Variants in KCNJ6 observed in about 807,000 individuals in gnomAD.
The protein encoded by KCNJ6 is potassium inwardly rectifying channel subfamily J member 6.
In KCNJ6, 9 loss-of-function variants were observed where a neutral mutation model predicts 34.2. The ratio of observed to expected loss-of-function variants is 0.26; its 90% confidence interval spans 0.16 to 0.46. KCNJ6 has a LOEUF of 0.46. KCNJ6 is among the 20% of genes least tolerant of loss of function. The pLI, the probability that KCNJ6 is intolerant of heterozygous loss-of-function variation, is 1.00. For missense variants in KCNJ6, 236 were observed against 531.3 expected (o/e 0.44, Z 5.46); for synonymous variants, 196 against 207.1 (o/e 0.95, Z 0.46).
At chr21:37,913,426 T>C (rs2055876518) in intron 1 of KCNJ6, among the ~76,000 whole-genome samples, 1 of 152,214 alleles carries the variant, frequency 6.6e-6, no homozygotes, top group Non-Finnish European at 1.5e-5. Flanking sequence ...ACAAACTCTC[T>C]CTCCTTTTCG....
chr21:37,718,473 G>A (rs753980400), intron 2 of KCNJ6, among the ~76,000 whole-genome samples: 1 of 152,188 alleles, frequency 6.6e-6, no homozygotes, highest in Non-Finnish European at 1.5e-5. Flanking sequence ...TCTGGGTTTA[G>A]TGTTTGTAAT....
intron 2 of KCNJ6, among the ~76,000 whole-genome samples, chr21:37,725,093 T>C (rs1343704967): frequency 1.3e-5 from 2 of 151,928 alleles, no homozygotes; most frequent in Non-Finnish European, 2.9e-5. Context: ...TATTCCCAGT[T>C]TACAAAAGCA....
chr21:37,660,636 G>A (rs2054483894), intron 3 of KCNJ6, among the ~76,000 whole-genome samples: 1 of 152,180 alleles, frequency 6.6e-6, no homozygotes, highest in African/African-American at 2.4e-5. Flanking sequence ...CACCTCACTG[G>A]CGTACCTGTG....
chr21:37,914,008 G>GGCGCGT (rs760597650), intron 1 of KCNJ6, among the ~76,000 whole-genome samples: 1 of 135,480 alleles, frequency 7.4e-6, no homozygotes, highest in Admixed American at 7.5e-5. Context: ...GGCGGATCGG[G>GGCGCGT]GTGTGTGTGT....
At chr21:37,721,906 G>A (rs1601437984) in intron 2 of KCNJ6, among the ~76,000 whole-genome samples, 1 of 152,152 alleles carries the variant, frequency 6.6e-6, no homozygotes, top group African/African-American at 2.4e-5. Context: ...AGACTGGGAT[G>A]GTGGGGCATC....
At chr21:37,879,014 C>T (rs1355203897) in intron 1 of KCNJ6, among the ~76,000 whole-genome samples, 1 of 152,170 alleles carries the variant, frequency 6.6e-6, no homozygotes, top group Non-Finnish European at 1.5e-5. Flanking sequence ...CTGCATATGG[C>T]TCTTCAGGGA....
At chr21:37,697,146 A>G (rs2054667155) in intron 3 of KCNJ6, among the ~76,000 whole-genome samples, 1 of 152,172 alleles carries the variant, frequency 6.6e-6, no homozygotes, top group African/African-American at 2.4e-5. Context: ...AGACCATAAG[A>G]CGATTGTTTG....
chr21:37,870,163 T>A (rs1041484786), intron 1 of KCNJ6, among the ~76,000 whole-genome samples: 8 of 152,206 alleles, frequency 5.3e-5, no homozygotes, highest in Non-Finnish European at 8.8e-5. Flanking sequence ...GATGCTCATG[T>A]ATGTTGCAAT....
At position 37,623,671 on chromosome 21, in the gene KCNJ6, G is replaced by A. The variant is rs1260441428; in HGVS notation, c.*1488C>T. On this transcript the variant is annotated 3_prime_UTR_variant, in exon 4 of 4. Coordinates refer to ENST00000609713, the MANE Select transcript of KCNJ6 (RefSeq NM_002240.5). ...CTTTTTGCAGATTAAAGTGAATTAAGGCTGGAATTTTTTTATTTGTTTTCT... is the reference window on the plus strand; with the variant it reads ...CTTTTTGCAGATTAAAGTGAATTAAAGCTGGAATTTTTTTATTTGTTTTCT... 2.6e-5 allele frequency: 4 copies of A among 151,954 alleles called. No homozygotes were observed. Among genetic ancestry groups the A allele is most frequent in the Non-Finnish European group, 5.9e-5 (4 of 68,020 alleles). The allele number at this position is 151,954 out of a possible 1,614,324, so 9.4% of individuals were successfully genotyped here.
chr21:37,629,118 A>C (rs1215039135), intron 3 of KCNJ6, among the ~76,000 whole-genome samples: 9 of 152,240 alleles, frequency 5.9e-5, no homozygotes, highest in Admixed American at 5.9e-4. Flanking sequence ...GTATGGCCAT[A>C]GACTAGACCG....
intron 3 of KCNJ6, among the ~76,000 whole-genome samples, chr21:37,658,795 C>G (rs2054475645): frequency 6.6e-6 from 1 of 152,214 alleles, no homozygotes; most frequent in Admixed American, 6.5e-5. Flanking sequence ...TCCTTTGCCC[C>G]AGGCCATTCA....
intron 1 of KCNJ6, among the ~76,000 whole-genome samples, chr21:37,896,877 G>T (rs1192833453): frequency 6.6e-6 from 1 of 152,170 alleles, no homozygotes; most frequent in Non-Finnish European, 1.5e-5. Context: ...TGGAGCTCAC[G>T]GTTTGCTTCA....
In KCNJ6 at chr21:37,743,165, C is replaced by T. The variant is rs2054949561; in HGVS notation, c.26-28034G>A. Among the ~76,000 whole-genome samples the T allele has an allele frequency of 2.0e-5, 3 of 152,276 alleles. No homozygotes were observed. In the Middle Eastern group the frequency reaches 0.01, roughly 518 times the overall value. On this transcript the variant is annotated intron_variant, in intron 2 of 3. Transcript: ENST00000609713. The stretch of plus-strand genomic sequence containing the variant: ...TTTCATGTCTCTTCCCTGACAGACC[C>T]TCAATCTTCAAGGTAAGCAACTATG...
intron 3 of KCNJ6, among the ~76,000 whole-genome samples, chr21:37,664,703 G>T (rs1052295223): frequency 4.0e-5 from 6 of 151,686 alleles, no homozygotes; most frequent in Middle Eastern, 6.8e-3. Context: ...GAAAGAAAAT[G>T]CTAGATGGTG....
chr21:37,626,638 TA>T (rs1470340487), intron 3 of KCNJ6, among the ~76,000 whole-genome samples: 2 of 152,208 alleles, frequency 1.3e-5, no homozygotes, highest in African/African-American at 4.8e-5. Flanking sequence ...TGTGGTTTTT[TA>T]AAATTTTTTT....
chr21:37,880,220 T>G (rs2055700852), intron 1 of KCNJ6, among the ~76,000 whole-genome samples: 1 of 152,128 alleles, frequency 6.6e-6, no homozygotes, highest in African/African-American at 2.4e-5. Context: ...GAGGTTGCAG[T>G]GATCCGAGAT....
chr21:37,761,188 T>C lies in KCNJ6; in HGVS notation c.26-46057A>G, dbSNP rs372733113. Among the ~76,000 whole-genome samples the C allele has an allele frequency of 3.3e-5, 5 of 151,022 alleles. No individual in the cohort carries two copies. The East Asian group carries it at 9.8e-4, about 29-fold the overall frequency. Reference sequence around the variant, plus strand: ...TATGTGTGTTGTGTGTGCATGTGTGTGCGATGTGTGTGTATGTATTGTGTG... The same window carrying C: ...TATGTGTGTTGTGTGTGCATGTGTGCGCGATGTGTGTGTATGTATTGTGTG... On this transcript the variant is annotated intron_variant, in intron 2 of 3. Coordinates refer to ENST00000609713, the MANE Select transcript of KCNJ6 (RefSeq NM_002240.5).
At chr21:37,671,223 G>T (rs2054540916) in intron 3 of KCNJ6, among the ~76,000 whole-genome samples, 2 of 152,220 alleles carry the variant, frequency 1.3e-5, no homozygotes, top group Non-Finnish European at 1.5e-5. Flanking sequence ...AACCTCCAGG[G>T]AAGGGAAGGG....
intron 3 of KCNJ6, among the ~76,000 whole-genome samples, chr21:37,663,739 C>A (rs2054500846): frequency 6.6e-6 from 1 of 152,028 alleles, no homozygotes; most frequent in Non-Finnish European, 1.5e-5. Flanking sequence ...GTAGAAAAAA[C>A]CAAGAGTACA....
Sources: gnomAD v4.1 joint callset for allele counts (sites outside exome capture counted in the v4.1 genomes callset) on GRCh38, gnomAD v4.1.1 for gene constraint, MANE v1.5 for transcripts, NCBI Gene and HGNC (gene_info 2026-07-23, HGNC 2026-07-21) for gene names.